Variants in PTPRD observed in about 807,000 individuals in gnomAD.
The protein encoded by PTPRD is protein tyrosine phosphatase receptor type D.
In PTPRD, 34 loss-of-function variants were observed where a neutral mutation model predicts 214.5. The observed-to-expected ratio is 0.16, with a 90% CI of 0.12 to 0.21. The LOEUF (loss-of-function observed/expected upper bound fraction) is 0.21, where lower values mean the gene tolerates loss of function less well. Among genes scored for constraint, PTPRD ranks in the 10% least tolerant of loss-of-function variants. The pLI, the probability that PTPRD is intolerant of heterozygous loss-of-function variation, is 1.00. For missense variants in PTPRD, 2,545 were observed against 2,398.7 expected, an observed-to-expected ratio of 1.06 and a Z score of -1.27; for synonymous variants, 1,128 against 845.7, an observed-to-expected ratio of 1.33 and a Z score of -5.79.
chr9:9,232,512 G>C (rs1373863668), intron 9 of PTPRD, among the ~76,000 whole-genome samples: 3 of 152,046 alleles, frequency 2.0e-5, no homozygotes, highest in Non-Finnish European at 4.4e-5. Flanking sequence ...AAAGATCATT[G>C]CATGGTAAAA....
intron 4 of PTPRD, among the ~76,000 whole-genome samples, chr9:10,016,234 A>G (rs1044987821): frequency 1.3e-5 from 2 of 152,180 alleles, no homozygotes; most frequent in African/African-American, 2.4e-5. Context: ...AAAATTTGCT[A>G]ATGACATTGT....
intron 3 of PTPRD, among the ~76,000 whole-genome samples, chr9:10,181,841 A>C (rs2099291393): frequency 6.6e-6 from 1 of 151,280 alleles, no homozygotes; most frequent in East Asian, 1.9e-4. Flanking sequence ...AAAATGGGAA[A>C]GAAAAATCTA....
chr9:9,646,761 C>T lies in PTPRD; in HGVS notation c.-286-71980G>A, dbSNP rs150750528. Among the ~76,000 whole-genome samples the T allele has an allele frequency of 6.1e-3, 930 of 152,184 alleles. 8 individuals are homozygous for T. Among genetic ancestry groups the T allele is most frequent in the African/African-American group, 0.022 (897 of 41,514 alleles). On this transcript the variant is annotated intron_variant, in intron 7 of 45. Coordinates refer to ENST00000381196, the MANE Select transcript of PTPRD (RefSeq NM_002839.4). ...TACACTGTGTTTTTTCCTATACATG[C>T]ATATCTATAATAAAGTTTAAAATTA... is the stretch of plus-strand genomic sequence containing the variant.
intron 10 of PTPRD, among the ~76,000 whole-genome samples, chr9:9,112,750 G>C (rs1300315459): frequency 6.6e-6 from 1 of 152,150 alleles, no homozygotes; most frequent in African/African-American, 2.4e-5. Flanking sequence ...AATTGTGAGA[G>C]AAATTATGGG....
intron 2 of PTPRD, among the ~76,000 whole-genome samples, chr9:10,443,668 T>C (rs1472243787): frequency 6.6e-6 from 1 of 151,684 alleles, no homozygotes; most frequent in Non-Finnish European, 1.5e-5. Flanking sequence ...ATAAGATTTA[T>C]TGCTAAATAG....
chr9:8,436,681 T>G lies in PTPRD; in HGVS notation c.3997A>C (p.Ser1333Arg). The G allele has an allele frequency of 1.9e-6, 3 of 1,611,722 alleles. No individual in the cohort carries two copies. Among genetic ancestry groups the G allele is most frequent in the Non-Finnish European group, 2.5e-6 (3 of 1,178,688 alleles). ...TCCAAGATGGGTATTGGAGGATGGCTAGCCATACCTATTGAAAAAAGCAAA... is the reference window on the plus strand; with the variant it reads ...TCCAAGATGGGTATTGGAGGATGGCGAGCCATACCTATTGAAAAAAGCAAA... ...RLNFQTPGMA[S>R]HPPIPILELA... Residue 1333 changes from serine (S) to arginine (R), a missense_variant, in exon 35 of 46, where the codon AGC (serine) becomes CGC (arginine). By Grantham distance (110) the Ser-to-Arg change is moderately radical. Coordinates refer to ENST00000381196, the MANE Select transcript of PTPRD (RefSeq NM_002839.4).
chr9:9,283,487 T>C (rs1303200022), intron 9 of PTPRD, among the ~76,000 whole-genome samples: 5 of 151,410 alleles, frequency 3.3e-5, no homozygotes, highest in Non-Finnish European at 7.4e-5. Context: ...TTTAGCTTTA[T>C]ATTTTCTTTT....
At chr9:8,736,838 A>G (rs567642551) in intron 11 of PTPRD, among the ~76,000 whole-genome samples, 1 of 152,234 alleles carries the variant, frequency 6.6e-6, no homozygotes, top group Non-Finnish European at 1.5e-5. Context: ...CTTATCAAGC[A>G]GTTCACAGCT....
At chr9:9,528,368 C>T (rs1295636167) in intron 8 of PTPRD, among the ~76,000 whole-genome samples, 2 of 151,990 alleles carry the variant, frequency 1.3e-5, no homozygotes, top group African/African-American at 2.4e-5. Flanking sequence ...TACATAGGAC[C>T]GACATCATCT....
chr9:10,311,678 C>T (rs1220130837), intron 3 of PTPRD, among the ~76,000 whole-genome samples: 3 of 151,978 alleles, frequency 2.0e-5, no homozygotes, highest in Non-Finnish European at 4.4e-5. Flanking sequence ...GAAAAGTTAG[C>T]ATATTTTTTC....
intron 9 of PTPRD, among the ~76,000 whole-genome samples, chr9:9,331,465 G>A (rs2042291658): frequency 1.3e-5 from 2 of 152,004 alleles, no homozygotes; most frequent in African/African-American, 4.8e-5. Context: ...AATTGAAACT[G>A]GAGGAGGAGA....
rs116126863 is a variant in PTPRD at position 8,393,187 on chromosome 9, C to T, written c.4211-3780G>A. Among the ~76,000 whole-genome samples the T allele has an allele frequency of 3.8e-3, 575 of 152,152 alleles. 5 individuals carry two copies. The highest frequency in any genetic ancestry group is 0.013 in the African/African-American group (546 of 41,516). On this transcript the variant is annotated intron_variant, in intron 36 of 45. Coordinates refer to ENST00000381196, the MANE Select transcript of PTPRD (RefSeq NM_002839.4). Reference sequence around the variant, plus strand: ...TATTTATTTAATTTTCAATTCCCTGCCTTTTCCAAAAAATGATTTGCTTCT... The same window carrying T: ...TATTTATTTAATTTTCAATTCCCTGTCTTTTCCAAAAAATGATTTGCTTCT...
intron 3 of PTPRD, among the ~76,000 whole-genome samples, chr9:10,252,498 G>A (rs1488921746): frequency 2.6e-5 from 4 of 151,112 alleles, no homozygotes; most frequent in East Asian, 2.0e-4. Context: ...CCATTTTCAT[G>A]AGAAACCCTG....
Position 9,389,277 on chromosome 9 carries a change from G to A in PTPRD, c.-203+8172C>T, listed in dbSNP as rs567346787. On this transcript the variant is annotated intron_variant, in intron 9 of 45. Transcript: ENST00000381196. ...TGTAATTCCACCACCTTGGGAGGCC[G>A]AGGCAGGTGGATCACCTGAGATTGG... Among the ~76,000 whole-genome samples, 317 of 152,274 alleles carry A rather than the reference G, an allele frequency of 2.1e-3. 1 individual carries two copies. The highest frequency in any genetic ancestry group is 7.2e-3 in the African/African-American group (298 of 41,554).
chr9:9,059,652 A>G (rs1434406583), intron 10 of PTPRD, among the ~76,000 whole-genome samples: 1 of 152,108 alleles, frequency 6.6e-6, no homozygotes, highest in Non-Finnish European at 1.5e-5. Context: ...TGCCAAAAAG[A>G]TAGAAACATA....
At chr9:10,542,381 ATAAATCT>A (rs2059305201) in intron 2 of PTPRD, among the ~76,000 whole-genome samples, 1 of 152,204 alleles carries the variant, frequency 6.6e-6, no homozygotes, top group Non-Finnish European at 1.5e-5. Context: ...AGTACAAAAC[ATAAATCT>A]TAAATATTTT....
rs140463042 is a variant in PTPRD, at chr9:10,570,369, A to C, written c.-600+42029T>G. On this transcript the variant is annotated intron_variant, in intron 2 of 45. Transcript: ENST00000381196. ...GGTCACAAATGATTATGGGGAGCTG[A>C]AATTGCCAAACAAGATTAGACATAT... Among the ~76,000 whole-genome samples, 958 of 152,326 alleles carry C rather than the reference A, an allele frequency of 6.3e-3. 9 individuals are homozygous for C. Among genetic ancestry groups the C allele is most frequent in the Non-Finnish European group, 0.011 (716 of 68,028 alleles).
intron 35 of PTPRD, among the ~76,000 whole-genome samples, chr9:8,412,661 A>T (rs1417116945): frequency 1.3e-5 from 2 of 152,192 alleles, no homozygotes; most frequent in Non-Finnish European, 2.9e-5. Flanking sequence ...CCCTGATAGA[A>T]GACTATCTTA....
intron 43 of PTPRD, among the ~76,000 whole-genome samples, chr9:8,332,330 C>T (rs1022759887): frequency 6.6e-6 from 1 of 151,982 alleles, no homozygotes; most frequent in African/African-American, 2.4e-5. Context: ...AACCTGGATG[C>T]CCCCCATGTC....
Sources: allele counts gnomAD v4.1 joint callset (sites outside exome capture counted in the v4.1 genomes callset), GRCh38; gene constraint gnomAD v4.1.1; transcripts MANE v1.5; gene names NCBI Gene and HGNC (gene_info 2026-07-23, HGNC 2026-07-21).